Variants in HYAL1 observed in about 807,000 individuals in gnomAD.
HYAL1 encodes the protein hyaluronidase 1.
Under a neutral mutation model 28.8 loss-of-function variants are expected in HYAL1, and 21 were observed. The observed-to-expected ratio is 0.73, with a 90% CI of 0.52 to 1.05. The LOEUF (loss-of-function observed/expected upper bound fraction) is 1.05, where lower values mean the gene tolerates loss of function less well. Ranked by LOEUF, HYAL1 falls within the 50% of genes least tolerant of loss-of-function variation. The pLI is 0.00. For synonymous variants in HYAL1, 200 were observed against 230.1 expected (o/e 0.87, Z 1.18); for missense variants, 491 against 579.2 (o/e 0.85, Z 1.56).
intron 1 of HYAL1, among the ~76,000 whole-genome samples, chr3:50,310,174 C>G (rs1702417364): frequency 6.7e-6 from 1 of 150,068 alleles, no homozygotes. Flanking sequence ...ATGAATTTTT[C>G]TTGGCTACAA....
rs1553712336 is a variant in HYAL1, at chr3:50,300,420, G to A, written c.*63C>T. 2 of 1,532,638 alleles carry A rather than the reference G, an allele frequency of 1.3e-6. No homozygotes were observed. Among genetic ancestry groups the A allele is most frequent in the African/African-American group, 2.7e-5 (2 of 73,144 alleles). 94.9% of individuals were successfully genotyped at this position (1,532,638 alleles called of 1,614,324 possible). On this transcript the variant is annotated 3_prime_UTR_variant, in exon 4 of 4. Coordinates refer to ENST00000395144, the MANE Select transcript of HYAL1 (RefSeq NM_033159.4). ...TTGTATGACTGTGCATGTATTTGAG[G>A]AAGCCCTGGCCAGACCCAGAGTGCA...
intron 1 of HYAL1, 168 bp from the exon 2 acceptor site, chr3:50,303,148 A>C: frequency 1.7e-6 from 1 of 576,432 alleles, no homozygotes; most frequent in South Asian, 2.6e-5. Context: ...GGAGGGGAGC[A>C]TGGCCACTGG....
At chr3:50,311,520 C>T (rs1702454378) in intron 1 of HYAL1, among the ~76,000 whole-genome samples, 1 of 127,328 alleles carries the variant, frequency 7.9e-6, no homozygotes, top group Non-Finnish European at 1.7e-5. Flanking sequence ...TAGGGGCGGC[C>T]GGGCAGAGGC....
Position 50,299,981 on chromosome 3 carries a change from T to C in HYAL1, c.*502A>G. ...CTGGTTACCACAAACTCAGTAGGAG[T>C]GCAAGGGCTGTACCCCCGGAGCTAG... On this transcript the variant is annotated 3_prime_UTR_variant, in exon 4 of 4. Coordinates refer to ENST00000395144, the MANE Select transcript of HYAL1 (RefSeq NM_033159.4). The C allele has an allele frequency of 9.2e-6, 2 of 217,320 alleles. No homozygotes were observed. The highest frequency in any genetic ancestry group is 1.9e-5 in the Non-Finnish European group (2 of 105,826). 13.5% of individuals were successfully genotyped at this position (217,320 alleles called of 1,614,324 possible). A position where few individuals can be genotyped will look rare whatever the true frequency, so the allele number is the denominator to read the frequency against.
rs1702231251 is a variant in HYAL1, at chr3:50,302,914, A to G, written c.43T>C (p.Leu15=). 4 of 1,596,606 alleles carry G rather than the reference A, an allele frequency of 2.5e-6. No individual in the cohort carries two copies. Among genetic ancestry groups the G allele is most frequent in the South Asian group, 1.1e-5 (1 of 89,710 alleles). The change falls in exon 2 of 4, where the codon TTA becomes CTA. Residue 15 remains leucine, a synonymous_variant. Coordinates refer to ENST00000395144, the MANE Select transcript of HYAL1 (RefSeq NM_033159.4). This position sits in a 1 kb window ranked among gnomAD's most constrained non-coding sequence, Gnocchi z 5.0. ...LLPICALFLT[L]LDMAQGFRGP... ...CTAAAGCCTTGGGCCATATCGAGTA[A>G]GGTCAGGAAGAGGGCGCAGATGGGA... is the stretch of plus-strand genomic sequence containing the variant.
chr3:50,300,255 G>T lies in HYAL1; in HGVS notation c.*228C>A. ...GAATTGTCTATGACCTTGCCAAGTA[G>T]ATGCATATGGACATGGAATGAATGG... is the stretch of plus-strand genomic sequence containing the variant. On this transcript the variant is annotated 3_prime_UTR_variant, in exon 4 of 4. Coordinates refer to ENST00000395144, the MANE Select transcript of HYAL1 (RefSeq NM_033159.4). The T allele has an allele frequency of 1.7e-6, 1 of 589,348 alleles. No homozygotes were observed. Among genetic ancestry groups the T allele is most frequent in the Non-Finnish European group, 3.1e-6 (1 of 323,792 alleles). 36.5% of individuals were successfully genotyped at this position (589,348 alleles called of 1,614,324 possible). A position where few individuals can be genotyped will look rare whatever the true frequency, so the allele number is the denominator to read the frequency against.
At position 50,301,036 on chromosome 3, in the gene HYAL1, C is replaced by A; in HGVS notation, c.942G>T (p.Gly314=). The A allele has an allele frequency of 1.2e-6, 2 of 1,612,812 alleles. No individual in the cohort carries two copies. Among genetic ancestry groups the A allele is most frequent in the South Asian group, 2.2e-5 (2 of 91,014 alleles). Residue 314 remains glycine, a synonymous_variant, in exon 3 of 4, where the codon GGG becomes GGT. Transcript: ENST00000395144. ...TCACCCAGAGCACCACTCCAGCTGC[C>A]CCCTGGGCCGCACTCTCCCCCAGGC... ...EHSLGESAAQ[G]AAGVVLWVSW...
chr3:50,311,086 A>G (rs1322901036), intron 1 of HYAL1, among the ~76,000 whole-genome samples: 2 of 152,066 alleles, frequency 1.3e-5, no homozygotes, highest in Non-Finnish European at 2.9e-5. Flanking sequence ...CGCCATTGTC[A>G]TCATGGCCCG....
At chr3:50,312,024 C>T (rs1443631221) in intron 1 of HYAL1, among the ~76,000 whole-genome samples, 2 of 138,076 alleles carry the variant, frequency 1.4e-5, no homozygotes, top group Non-Finnish European at 1.6e-5. Context: ...GGGAGGCTGT[C>T]CCCCCCACCT....
rs59958240 is a variant in HYAL1, at chr3:50,309,461, C to CAAA, written c.-191+195_-191+197dup. On this transcript the variant is annotated intron_variant, in intron 2 of 5. Coordinates refer to the HYAL1 transcript ENST00000320295. ...CCTGGGCAACAGAGCCAGACTCCAC[C>CAAA]AAAAAAAAAAAAAAAAAAAAGAATC... is the stretch of plus-strand genomic sequence containing the variant. 4.8e-3 allele frequency among the ~76,000 whole-genome samples: 289 copies of CAAA among 60,768 alleles called. 4 individuals are homozygous for CAAA. Among genetic ancestry groups the CAAA allele is most frequent in the African/African-American group, 0.013 (208 of 16,482 alleles). The allele number at this position is 60,768 out of a possible 152,430, so 39.9% of individuals were successfully genotyped here. A position where few individuals can be genotyped will look rare whatever the true frequency, so the allele number is the denominator to read the frequency against.
chr3:50,304,297 ATATATATATAT>A (rs1336406863), upstream of HYAL1, among the ~76,000 whole-genome samples: 158 of 14,752 alleles, frequency 0.011, 5 homozygotes, highest in Admixed American at 0.012. Context: ...AAAAAAAAAA[ATATATATATAT>A]ATATATATAT....
upstream of HYAL1, among the ~76,000 whole-genome samples, chr3:50,304,288 AAAAAAAAAATATATATATATATATAT>A (rs1355923610): frequency 1.3e-4 from 8 of 61,714 alleles, 1 homozygote; most frequent in East Asian, 2.4e-3. Context: ...AAAAAAAAAA[AAAAAAAAAATATATATATATATATAT>A]ATATATATAT....
intron 3 of HYAL1, 49 bp downstream of exon 3, chr3:50,300,939 T>TGGGGGGGGGGGGGGGGGGGGGG (rs1702120315): frequency 1.4e-5 from 13 of 959,344 alleles, no homozygotes; most frequent in Non-Finnish European, 1.8e-5. Flanking sequence ...GTCAGCTTAA[T>TGGGGGGGGGGGGGGGGGGGGGG]GGCCCCACCC....
upstream of HYAL1, among the ~76,000 whole-genome samples, chr3:50,304,295 AAATATATATATATATATATATATATAT>A (rs1282213599): frequency 2.4e-3 from 114 of 48,468 alleles, 5 homozygotes; most frequent in African/African-American, 0.012. Context: ...AAAAAAAAAA[AAATATATATATATATATATATATATAT>A]ATATATATAT....
In HYAL1 at chr3:50,302,365, G is replaced by A; in HGVS notation, c.592C>T (p.Leu198Phe). The A allele has an allele frequency of 1.9e-6, 3 of 1,613,828 alleles. No homozygotes were observed. The highest frequency in any genetic ancestry group is 2.5e-6 in the Non-Finnish European group (3 of 1,179,988). The change falls in exon 2 of 4, where the codon CTC becomes TTC. Residue 198 changes from leucine (L) to phenylalanine (F), a missense_variant. Coordinates refer to ENST00000395144, the MANE Select transcript of HYAL1 (RefSeq NM_033159.4). The surrounding 1 kb of genome is among the most constrained non-coding windows in gnomAD (Gnocchi z 5.0). ...QLGRALRPRG[L>F]WGFYGFPDCY... ...TCAGGGAAGCCATAGAAGCCCCAGA[G>A]GCCGCGAGGACGCAGTGCCCGCCCC...
upstream of HYAL1, among the ~76,000 whole-genome samples, chr3:50,305,941 G>A (rs1702327710): frequency 6.6e-6 from 1 of 151,486 alleles, no homozygotes; most frequent in Non-Finnish European, 1.5e-5. Context: ...TCCTGAGGCT[G>A]TGTCTTGGAT....
upstream of HYAL1, among the ~76,000 whole-genome samples, chr3:50,306,125 A>C (rs1259363001): frequency 6.6e-6 from 1 of 151,064 alleles, no homozygotes; most frequent in Non-Finnish European, 1.5e-5. Context: ...GCTCAAACCA[A>C]TAGGACAATT....
At chr3:50,308,014 CT>C (rs1327788531), upstream of HYAL1, among the ~76,000 whole-genome samples, 1 of 151,102 alleles carries the variant, frequency 6.6e-6, no homozygotes, top group Non-Finnish European at 1.5e-5. Context: ...CCAGGATGGT[CT>C]TGATCTCCTG....
upstream of HYAL1, among the ~76,000 whole-genome samples, chr3:50,306,014 G>T (rs1702328750): frequency 6.6e-6 from 1 of 151,248 alleles, no homozygotes; most frequent in African/African-American, 2.5e-5. Context: ...AGATTTTCTG[G>T]GTTCACATTT....
Sources: gnomAD v4.1 joint callset for allele counts (sites outside exome capture counted in the v4.1 genomes callset) on GRCh38, gnomAD v4.1.1 for gene constraint, Gnocchi (gnomAD v3.1) non-coding constraint, MANE v1.5 for transcripts, NCBI Gene and HGNC (gene_info 2026-07-23, HGNC 2026-07-21) for gene names.